Variants in LRRTM4 observed in about 807,000 individuals in gnomAD.
LRRTM4 encodes leucine rich repeat transmembrane neuronal 4.
Under a neutral mutation model 47.6 loss-of-function variants are expected in LRRTM4, and 25 were observed. The observed-to-expected ratio is 0.53, with a 90% CI of 0.38 to 0.73. The LOEUF (loss-of-function observed/expected upper bound fraction) is 0.73, where lower values mean the gene tolerates loss of function less well. Among genes scored for constraint, LRRTM4 ranks in the 30% least tolerant of loss-of-function variants. LRRTM4 has a pLI of 0.00. For synonymous variants in LRRTM4, 311 were observed against 269.5 expected (o/e 1.15, Z -1.51); for missense variants, 638 against 713.4 (o/e 0.89, Z 1.20).
At chr2:76,761,814 T>G (rs571929524) in intron 3 of LRRTM4, among the ~76,000 whole-genome samples, 1 of 152,262 alleles carries the variant, frequency 6.6e-6, no homozygotes, top group East Asian at 1.9e-4. Context: ...TAAGCAATAA[T>G]GACAAGGAGA....
At chr2:77,192,404 A>G (rs1290411357) in intron 3 of LRRTM4, among the ~76,000 whole-genome samples, 1 of 152,070 alleles carries the variant, frequency 6.6e-6, no homozygotes, top group African/African-American at 2.4e-5. Flanking sequence ...TCATGAAACA[A>G]CATCGGGTAC....
intron 3 of LRRTM4, among the ~76,000 whole-genome samples, chr2:77,270,774 C>A (rs935077410): frequency 6.6e-6 from 1 of 152,190 alleles, no homozygotes; most frequent in Non-Finnish European, 1.5e-5. Flanking sequence ...ATCCTTGGAC[C>A]AGATTGAGAA....
chr2:77,170,909 G>A (rs186617767), intron 3 of LRRTM4, among the ~76,000 whole-genome samples: 66 of 150,150 alleles, frequency 4.4e-4, no homozygotes, highest in African/African-American at 1.6e-3. Context: ...ATATGTGTAG[G>A]TATGTTATGT....
intron 3 of LRRTM4, among the ~76,000 whole-genome samples, chr2:77,293,176 A>G (rs911109844): frequency 6.6e-6 from 1 of 152,150 alleles, no homozygotes; most frequent in Non-Finnish European, 1.5e-5. Flanking sequence ...GTCATTAAAT[A>G]TGAAACTAAG....
At chr2:76,881,201 C>G (rs1279189359) in intron 3 of LRRTM4, among the ~76,000 whole-genome samples, 1 of 152,034 alleles carries the variant, frequency 6.6e-6, no homozygotes, top group Non-Finnish European at 1.5e-5. Flanking sequence ...TAAATATGTA[C>G]AGTTATCATG....
Position 77,312,298 on chromosome 2 carries a change from C to A in LRRTM4, c.1551+206020G>T, listed in dbSNP as rs116818744. Among the ~76,000 whole-genome samples the A allele has an allele frequency of 9.7e-3, 1,470 of 152,210 alleles. 23 individuals carry two copies. Among genetic ancestry groups the A allele is most frequent in the African/African-American group, 0.033 (1,388 of 41,532 alleles). ...CTCTTTTATTCACATTGCCTTTCAACCTCTTTTGGACTGTGATTGTTTCAA... is the reference window on the plus strand; with the variant it reads ...CTCTTTTATTCACATTGCCTTTCAAACTCTTTTGGACTGTGATTGTTTCAA... On this transcript the variant is annotated intron_variant, in intron 3 of 3. Transcript: ENST00000409884.
chr2:77,188,080 T>C (rs1427790758), intron 3 of LRRTM4, among the ~76,000 whole-genome samples: 1 of 152,174 alleles, frequency 6.6e-6, no homozygotes, highest in Non-Finnish European at 1.5e-5. Context: ...TTTGAATATA[T>C]TGACTGTTTA....
At chr2:77,355,503 C>T (rs1000191223) in intron 3 of LRRTM4, among the ~76,000 whole-genome samples, 3 of 152,076 alleles carry the variant, frequency 2.0e-5, no homozygotes, top group Non-Finnish European at 4.4e-5. Flanking sequence ...ACTTTCAGGG[C>T]AACAAATTGC....
Position 77,399,932 on chromosome 2 carries a change from C to T in LRRTM4, c.1551+118386G>A, listed in dbSNP as rs146627875. Among the ~76,000 whole-genome samples the T allele has an allele frequency of 3.3e-5, 5 of 151,924 alleles. No homozygotes were observed. The East Asian group carries it at 9.7e-4, about 30-fold the overall frequency. On this transcript the variant is annotated intron_variant, in intron 3 of 3. Transcript: ENST00000409884. ...GAAGTCAGACATCTGGGCTTGAAAG[C>T]GATCTCAGAAAATTTGTGTAAGGCA...
chr2:77,502,562 G>C (rs186981346), intron 3 of LRRTM4, among the ~76,000 whole-genome samples: 1 of 151,500 alleles, frequency 6.6e-6, no homozygotes, highest in Non-Finnish European at 1.5e-5. Context: ...ATTTGGGAAC[G>C]TAATTATTTA....
chr2:77,096,455 TAGTG>T (rs1218022305), intron 3 of LRRTM4, among the ~76,000 whole-genome samples: 4 of 151,484 alleles, frequency 2.6e-5, no homozygotes, highest in Non-Finnish European at 3.0e-5. Context: ...AAGAAAAGAA[TAGTG>T]AGTAAATTAA....
chr2:76,763,412 C>G (rs72917775), intron 3 of LRRTM4, among the ~76,000 whole-genome samples: 2,152 of 152,312 alleles, frequency 0.014, 55 homozygotes, highest in African/African-American at 0.048. Flanking sequence ...AGAGAGCTCT[C>G]TCTCTGTACT....
intron 3 of LRRTM4, among the ~76,000 whole-genome samples, chr2:76,760,222 C>T (rs983524342): frequency 1.7e-4 from 26 of 152,102 alleles, no homozygotes; most frequent in African/African-American, 5.1e-4. Flanking sequence ...CACAGGCCAC[C>T]GTTTTCAGTC....
At chr2:77,509,500 G>C (rs1221007964) in intron 3 of LRRTM4, among the ~76,000 whole-genome samples, 3 of 151,940 alleles carry the variant, frequency 2.0e-5, no homozygotes, top group Admixed American at 1.3e-4. Flanking sequence ...CTCAGACAAG[G>C]GACGGAAAGG....
chr2:77,321,162 A>G lies in LRRTM4; in HGVS notation c.1551+197156T>C, dbSNP rs1472472065. Among the ~76,000 whole-genome samples the G allele has an allele frequency of 5.3e-5, 8 of 152,202 alleles. No individual in the cohort carries two copies. The South Asian group carries it at 1.7e-3, about 31-fold the overall frequency. ...TGGTTACTAGAAATGGATGCATTTC[A>G]ATCTTTCTGTCCTCAGATCTTTTGA... On this transcript the variant is annotated intron_variant, in intron 3 of 3. Transcript: ENST00000409884.
At chr2:77,149,837 A>G (rs1296407647) in intron 3 of LRRTM4, among the ~76,000 whole-genome samples, 2 of 152,088 alleles carry the variant, frequency 1.3e-5, no homozygotes, top group Admixed American at 6.6e-5. Context: ...GGCCACTCCA[A>G]TCATTCTCTG....
chr2:77,090,197 C>A (rs12614449), intron 3 of LRRTM4, among the ~76,000 whole-genome samples: 4 of 151,866 alleles, frequency 2.6e-5, no homozygotes, highest in South Asian at 2.1e-4. Flanking sequence ...CCGTCCTGCC[C>A]AGCAATTTAC....
At chr2:77,322,070 A>C (rs1361534847) in intron 3 of LRRTM4, among the ~76,000 whole-genome samples, 2 of 152,182 alleles carry the variant, frequency 1.3e-5, no homozygotes, top group African/African-American at 4.8e-5. Context: ...CAAATGCAGA[A>C]ATTGAGTTTC....
chr2:76,910,585 T>G (rs1320329506), intron 3 of LRRTM4, among the ~76,000 whole-genome samples: 1 of 152,196 alleles, frequency 6.6e-6, no homozygotes, highest in East Asian at 1.9e-4. Context: ...GATGGAATCT[T>G]TCCCATAAAG....
Sources: allele counts gnomAD v4.1 joint callset (sites outside exome capture counted in the v4.1 genomes callset), GRCh38; gene constraint gnomAD v4.1.1; transcripts MANE v1.5; gene names NCBI Gene and HGNC (gene_info 2026-07-23, HGNC 2026-07-21).